SOX5: variants seen among roughly 807,000 people sequenced by gnomAD.
SOX5 encodes the protein transcription factor SOX-5.
SOX5 carries 9 observed loss-of-function variants against 92.0 expected under a neutral mutation model. The observed-to-expected ratio is 0.10, with a 90% CI of 0.06 to 0.17. The LOEUF (loss-of-function observed/expected upper bound fraction) is 0.17, where lower values mean the gene tolerates loss of function less well. Ranked by LOEUF, SOX5 falls within the 10% of genes least tolerant of loss-of-function variation. The probability of loss-of-function intolerance (pLI) is 1.00; values close to 1 mark genes in which losing one functional copy is unlikely to be tolerated. For synonymous variants in SOX5, 344 were observed against 336.3 expected (o/e 1.02, Z -0.25); for missense variants, 642 against 944.5 (o/e 0.68, Z 4.20).
intron 6 of SOX5, among the ~76,000 whole-genome samples, chr12:23,712,407 G>A (rs765517029): frequency 2.0e-5 from 3 of 152,140 alleles, no homozygotes. Flanking sequence ...AGGTACAAAC[G>A]AGTCTTAGGC....
At chr12:24,513,543 C>G (rs372105315) in intron 1 of SOX5, among the ~76,000 whole-genome samples, 267 of 152,284 alleles carry the variant, frequency 1.8e-3, no homozygotes, top group African/African-American at 6.2e-3. Context: ...CTTCAACAAT[C>G]AGAGGGTCAA....
At chr12:24,240,428 C>T (rs964391933) in intron 3 of SOX5, among the ~76,000 whole-genome samples, 1 of 152,124 alleles carries the variant, frequency 6.6e-6, no homozygotes, top group Admixed American at 6.6e-5. Flanking sequence ...CTTTTCCGTA[C>T]AAAGATGCAA....
At chr12:23,844,628 A>C (rs2096554979) in intron 3 of SOX5, among the ~76,000 whole-genome samples, 1 of 152,264 alleles carries the variant, frequency 6.6e-6, no homozygotes, top group South Asian at 2.1e-4. Context: ...AAAGTTTTTT[A>C]AGTTTAGCAT....
chr12:23,814,487 G>T (rs1233952085), intron 3 of SOX5, among the ~76,000 whole-genome samples: 1 of 152,268 alleles, frequency 6.6e-6, no homozygotes, highest in East Asian at 1.9e-4. Flanking sequence ...AAACTGAAAA[G>T]TTCCCTTGAA....
At chr12:24,033,356 A>T (rs1169393204) in intron 4 of SOX5, among the ~76,000 whole-genome samples, 5 of 152,014 alleles carry the variant, frequency 3.3e-5, no homozygotes, top group Admixed American at 3.3e-4. Context: ...TAAGTTTTCA[A>T]GATTTTTTAT....
chr12:24,156,701 TACA>T (rs1221509560), intron 4 of SOX5, among the ~76,000 whole-genome samples: 13 of 152,152 alleles, frequency 8.5e-5, no homozygotes, highest in African/African-American at 1.7e-4. Context: ...TTTTCTCAGA[TACA>T]ACAATTAATG....
chr12:24,284,452 G>GTA (rs1181432681), intron 2 of SOX5, among the ~76,000 whole-genome samples: 1 of 151,608 alleles, frequency 6.6e-6, no homozygotes, highest in East Asian at 1.9e-4. Flanking sequence ...GTGTGTGTGT[G>GTA]TGCGTGTCTT....
At chr12:24,083,846 AT>A (rs1310638592) in intron 4 of SOX5, among the ~76,000 whole-genome samples, 1 of 152,092 alleles carries the variant, frequency 6.6e-6, no homozygotes. Flanking sequence ...TTTATATGGA[AT>A]TAGGGCAAAA....
At chr12:24,115,211 G>C (rs1947857569) in intron 4 of SOX5, among the ~76,000 whole-genome samples, 2 of 152,086 alleles carry the variant, frequency 1.3e-5, no homozygotes, top group Non-Finnish European at 2.9e-5. Flanking sequence ...ACAGATTAGA[G>C]GTAGAGTCTT....
At chr12:23,613,490 C>T (rs566461445) in intron 8 of SOX5, among the ~76,000 whole-genome samples, 12 of 152,156 alleles carry the variant, frequency 7.9e-5, no homozygotes, top group Admixed American at 7.2e-4. Flanking sequence ...TACTATATAA[C>T]CTGGTAATTT....
chr12:24,351,751 TTCTG>T (rs1954113685), intron 2 of SOX5, among the ~76,000 whole-genome samples: 1 of 152,220 alleles, frequency 6.6e-6, no homozygotes, highest in Non-Finnish European at 1.5e-5. Flanking sequence ...ACTAGATAAT[TTCTG>T]TCTAACTATT....
At chr12:23,836,169 G>A (rs138201054) in intron 3 of SOX5, among the ~76,000 whole-genome samples, 14 of 151,730 alleles carry the variant, frequency 9.2e-5, no homozygotes, top group African/African-American at 1.7e-4. Flanking sequence ...GTCACATAAC[G>A]TCATATTAAA....
chr12:24,076,699 C>CTTTTTTTTTT lies in SOX5; in HGVS notation c.-2+136634_-2+136643dup, dbSNP rs11302877. ...AATACTAAAAAAGATCCAAAGCTGC[C>CTTTTTTTTTT]TTTTTTTTTTTTTTTTTTTTTGTAA... is the stretch of plus-strand genomic sequence containing the variant. On this transcript the variant is annotated intron_variant, in intron 4 of 4. Transcript: ENST00000446891. Among the ~76,000 whole-genome samples, 9 of 102,862 alleles carry CTTTTTTTTTT rather than the reference C, an allele frequency of 8.7e-5. 1 individual carries two copies. Among genetic ancestry groups the CTTTTTTTTTT allele is most frequent in the African/African-American group, 1.5e-4 (4 of 27,506 alleles). 67.5% of individuals were successfully genotyped at this position (102,862 alleles called of 152,430 possible). A position where few individuals can be genotyped will look rare whatever the true frequency, so the allele number is the denominator to read the frequency against.
At chr12:23,656,700 C>G (rs894491861) in intron 7 of SOX5, among the ~76,000 whole-genome samples, 4 of 151,754 alleles carry the variant, frequency 2.6e-5, no homozygotes, top group Non-Finnish European at 5.9e-5. Context: ...GTATATGTAT[C>G]ATATTATGCA....
At chr12:24,467,523 G>T (rs1320497911) in intron 1 of SOX5, among the ~76,000 whole-genome samples, 1 of 149,438 alleles carries the variant, frequency 6.7e-6, no homozygotes, top group African/African-American at 2.5e-5. Flanking sequence ...CATGGAAGCA[G>T]AGAAAAAAAA....
At chr12:23,669,684 G>T (rs1288571607) in intron 6 of SOX5, among the ~76,000 whole-genome samples, 3 of 150,762 alleles carry the variant, frequency 2.0e-5, no homozygotes, top group African/African-American at 2.4e-5. Context: ...AAAAAAAATT[G>T]CAGTACTCAT....
chr12:24,366,638 T>A (rs1361049461), intron 2 of SOX5, among the ~76,000 whole-genome samples: 1 of 152,150 alleles, frequency 6.6e-6, no homozygotes, highest in Non-Finnish European at 1.5e-5. Context: ...CATACCATCC[T>A]ATTCCATAAT....
At chr12:23,656,896 T>C (rs910290672) in intron 7 of SOX5, among the ~76,000 whole-genome samples, 30 of 152,010 alleles carry the variant, frequency 2.0e-4, no homozygotes, top group African/African-American at 7.2e-4. Flanking sequence ...AGATAACTTT[T>C]AGTTTGTTTT....
At chr12:23,575,443 T>C (rs905706004) in intron 10 of SOX5, among the ~76,000 whole-genome samples, 4 of 152,234 alleles carry the variant, frequency 2.6e-5, no homozygotes, top group African/African-American at 9.6e-5. Context: ...AATATAGATA[T>C]AACCTACACA....
Sources: allele counts gnomAD v4.1 joint callset (sites outside exome capture counted in the v4.1 genomes callset), GRCh38; gene constraint gnomAD v4.1.1; transcripts MANE v1.5; gene names NCBI Gene and HGNC (gene_info 2026-07-23, HGNC 2026-07-21).